Variants in EFNA5 observed in about 807,000 individuals in gnomAD.
EFNA5 encodes the protein ephrin A5, also known as ephrin-A5.
Under a neutral mutation model 22.9 loss-of-function variants are expected in EFNA5, and 5 were observed. The observed-to-expected ratio is 0.22, with a 90% confidence interval of 0.11 to 0.46. The LOEUF is 0.46. Ranked by LOEUF, EFNA5 falls within the 20% of genes least tolerant of loss-of-function variation. The pLI is 0.99. For missense variants in EFNA5, 237 were observed against 293.3 expected (o/e 0.81, Z 1.40); for synonymous variants, 113 against 112.2 (o/e 1.01, Z -0.04).
intron 2 of EFNA5, among the ~76,000 whole-genome samples, chr5:107,422,521 G>C (rs1381866598): frequency 6.6e-6 from 1 of 152,220 alleles, no homozygotes; most frequent in Non-Finnish European, 1.5e-5. Context: ...CCTAAAGAAA[G>C]TGAGAGCAAG....
intron 1 of EFNA5, among the ~76,000 whole-genome samples, chr5:107,539,656 A>G (rs543294162): frequency 1.5e-4 from 23 of 152,134 alleles, no homozygotes; most frequent in African/African-American, 5.3e-4. Flanking sequence ...ACGGGGTTTC[A>G]CCGTGTTGGC....
chr5:107,572,647 A>G (rs1206148565), intron 1 of EFNA5, among the ~76,000 whole-genome samples: 1 of 152,234 alleles, frequency 6.6e-6, no homozygotes, highest in South Asian at 2.1e-4. Flanking sequence ...GCAGCGTAGG[A>G]TCAAAATGCA....
At chr5:107,467,798 G>T (rs1175743815) in intron 1 of EFNA5, among the ~76,000 whole-genome samples, 3 of 152,140 alleles carry the variant, frequency 2.0e-5, no homozygotes, top group African/African-American at 7.2e-5. Context: ...GTCTTTCCCA[G>T]GCAGAAGCAG....
At chr5:107,565,786 T>C (rs561051430) in intron 1 of EFNA5, among the ~76,000 whole-genome samples, 1 of 152,356 alleles carries the variant, frequency 6.6e-6, no homozygotes, top group African/African-American at 2.4e-5. Context: ...TAAAGTTCTA[T>C]AAATCACAAA....
chr5:107,427,607 A>T (rs1748841571), intron 1 of EFNA5, 98 bp from the exon 2 acceptor site: 1 of 1,138,952 alleles, frequency 8.8e-7, no homozygotes, highest in African/African-American at 1.6e-5. Context: ...GAGCTAAAGC[A>T]TCTAGTATAG....
intron 1 of EFNA5, among the ~76,000 whole-genome samples, chr5:107,615,399 G>T (rs375926569): frequency 1.3e-5 from 2 of 152,052 alleles, no homozygotes; most frequent in African/African-American, 4.8e-5. Context: ...TCAGGGGGAG[G>T]GGGGAGTGGT....
intron 1 of EFNA5, among the ~76,000 whole-genome samples, chr5:107,551,747 GTC>G (rs1018314739): frequency 3.3e-5 from 5 of 151,956 alleles, no homozygotes; most frequent in African/African-American, 1.2e-4. Context: ...GATTCATTCC[GTC>G]TCTTTCCTGT....
In EFNA5 at chr5:107,433,731, T is replaced by C. The variant is rs180680195; in HGVS notation, c.126-6222A>G. Among the ~76,000 whole-genome samples the C allele has an allele frequency of 9.2e-5, 14 of 152,044 alleles. No homozygotes were observed. In the East Asian group the frequency reaches 2.7e-3, roughly 30 times the overall value. ...GCAATATAGTGAGACTCCATCTCTA[T>C]AAAACATTTTTTTAAAAAAATTAGC... On this transcript the variant is annotated intron_variant, in intron 1 of 4. Coordinates refer to ENST00000333274, the MANE Select transcript of EFNA5 (RefSeq NM_001962.3).
At chr5:107,394,119 T>A (rs1259090492) in intron 2 of EFNA5, among the ~76,000 whole-genome samples, 2 of 152,242 alleles carry the variant, frequency 1.3e-5, no homozygotes, top group Non-Finnish European at 2.9e-5. Context: ...TGTGTTATGA[T>A]GAAATACATC....
chr5:107,618,422 C>T (rs1425960138), intron 1 of EFNA5, among the ~76,000 whole-genome samples: 5 of 152,094 alleles, frequency 3.3e-5, no homozygotes, highest in African/African-American at 4.8e-5. Flanking sequence ...ATTCAGCTTC[C>T]GCATGTCATA....
intron 1 of EFNA5, among the ~76,000 whole-genome samples, chr5:107,624,013 A>C (rs1750095196): frequency 6.6e-6 from 1 of 152,088 alleles, no homozygotes; most frequent in South Asian, 2.1e-4. Context: ...ACATTCTTAA[A>C]ATAGAATTTC....
intron 1 of EFNA5, among the ~76,000 whole-genome samples, chr5:107,508,942 GT>G (rs549565684): frequency 8.8e-4 from 134 of 152,204 alleles, no homozygotes; most frequent in African/African-American, 3.2e-3. Context: ...TTGTATTGCA[GT>G]TATTTGTCCT....
In EFNA5 at chr5:107,387,265, C is replaced by T. The variant is rs191210570; in HGVS notation, c.535G>A (p.Asp179Asn). The T allele has an allele frequency of 1.2e-5, 20 of 1,604,724 alleles. No homozygotes were observed. Among genetic ancestry groups the T allele is most frequent in the Admixed American group, 3.3e-5 (2 of 59,720 alleles). The change falls in exon 4 of 5, where the codon GAC (aspartate) becomes AAC (asparagine). Residue 179 changes from aspartate (D) to asparagine (N), a missense_variant. Asp to Asn is a conservative substitution (Grantham distance 23). Around this residue, in one of 3 missense-constraint regions of EFNA5, gnomAD observed 104 missense variants for 114.5 expected, o/e 0.91. Transcript: ENST00000333274. ...GVHDRVFDVN[D>N]KVENSLEPAD... ...GGTTCTAATGAATTTTCTACTTTGT[C>T]GTTAACATCGAAAACACGATCATGA...
At chr5:107,564,949 A>G (rs1300075507) in intron 1 of EFNA5, among the ~76,000 whole-genome samples, 1 of 152,160 alleles carries the variant, frequency 6.6e-6, no homozygotes, top group Non-Finnish European at 1.5e-5. Flanking sequence ...TTGGCCAGTA[A>G]GTAAGTTGTA....
intron 1 of EFNA5, among the ~76,000 whole-genome samples, chr5:107,622,936 G>A (rs1054282608): frequency 6.7e-6 from 1 of 149,282 alleles, no homozygotes; most frequent in Non-Finnish European, 1.5e-5. Context: ...CAGGAGAATG[G>A]CGTGAACCCG....
chr5:107,652,257 T>C (rs1297058665), intron 1 of EFNA5, among the ~76,000 whole-genome samples: 2 of 152,198 alleles, frequency 1.3e-5, no homozygotes, highest in East Asian at 1.9e-4. Flanking sequence ...TTACAGCCAG[T>C]AGGCCTTTGC....
chr5:107,569,559 T>TTATATATA (rs70996962), intron 1 of EFNA5, among the ~76,000 whole-genome samples: 2,493 of 41,560 alleles, frequency 0.06, 80 homozygotes, highest in Non-Finnish European at 0.079. Flanking sequence ...ATATATATAT[T>TTATATATA]TATATATATA....
chr5:107,404,401 A>G (rs1748157993), intron 2 of EFNA5, among the ~76,000 whole-genome samples: 1 of 152,254 alleles, frequency 6.6e-6, no homozygotes, highest in Non-Finnish European at 1.5e-5. Flanking sequence ...AATTAGAAAC[A>G]TTAAATTATT....
At chr5:107,566,747 C>T (rs923954204) in intron 1 of EFNA5, among the ~76,000 whole-genome samples, 7 of 152,284 alleles carry the variant, frequency 4.6e-5, no homozygotes, top group East Asian at 1.9e-4. Context: ...ACACTGCCTG[C>T]GATACCATTT....
Sources: allele counts gnomAD v4.1 joint callset (sites outside exome capture counted in the v4.1 genomes callset), GRCh38; gene constraint gnomAD v4.1.1; regional missense constraint gnomAD v4.1.1; transcripts MANE v1.5; gene names NCBI Gene and HGNC (gene_info 2026-07-23, HGNC 2026-07-21).